The following HPCAL1 variants were observed in gnomAD, a reference collection of about 807,000 sequenced individuals.
HPCAL1 encodes the protein hippocalcin-like protein 1.
A neutral mutation model predicts 17.1 loss-of-function variants in HPCAL1; 8 were observed. The observed-to-expected ratio is 0.47, with a 90% CI of 0.27 to 0.84. The LOEUF is 0.84. Among genes scored for constraint, HPCAL1 ranks in the 40% least tolerant of loss-of-function variants. HPCAL1 has a pLI of 0.13. For missense variants in HPCAL1, 165 were observed against 271.1 expected, an observed-to-expected ratio of 0.61 and a Z score of 2.75; for synonymous variants, 112 against 111.4, an observed-to-expected ratio of 1.01 and a Z score of -0.03.
intron 1 of HPCAL1, among the ~76,000 whole-genome samples, chr2:10,336,140 GTAAATTAATTGCATGTTCGTATCCTCTGC>G: frequency 6.7e-6 from 1 of 149,190 alleles, no homozygotes; most frequent in Non-Finnish European, 1.5e-5. Context: ...ATCCTCTGCT[GTAAATTAATTGCATGTTCGTATCCTCTGC>G]TGTAAATTAA....
chr2:10,374,963 C>G (rs960104208), intron 1 of HPCAL1, among the ~76,000 whole-genome samples: 2 of 152,146 alleles, frequency 1.3e-5, no homozygotes, highest in Non-Finnish European at 2.9e-5. Flanking sequence ...GGTTGGGGGG[C>G]CGTGTCATGG....
rs969117752 is a variant in HPCAL1 at position 10,384,141 on chromosome 2, G to A, written c.-110-12694G>A. On this transcript the variant is annotated intron_variant, in intron 1 of 4. Coordinates refer to ENST00000307845, the MANE Select transcript of HPCAL1 (RefSeq NM_002149.4). This position sits in a 1 kb window ranked among gnomAD's most constrained non-coding sequence, Gnocchi z 4.4. ...CTTTAAAATAAACTTCCCAATCCTA[G>A]GCAGACAAAAGAACAACCCCAGACC... Among the ~76,000 whole-genome samples the A allele has an allele frequency of 1.3e-5, 2 of 152,072 alleles. No homozygotes were observed. Among genetic ancestry groups the A allele is most frequent in the African/African-American group, 4.8e-5 (2 of 41,394 alleles).
At position 10,419,030 on chromosome 2, in the gene HPCAL1, T is replaced by C. The variant is rs1670862174; in HGVS notation, c.-24-704T>C. On this transcript the variant is annotated intron_variant, in intron 2 of 4. Transcript: ENST00000307845. The surrounding 1 kb of genome is among the most constrained non-coding windows in gnomAD (Gnocchi z 5.0). Reference sequence around the variant, plus strand: ...TTCGAGACCAGCCTGGCCAACATGGTGAAACCCTGTCTCTACTAAAAATAC... The same window carrying C: ...TTCGAGACCAGCCTGGCCAACATGGCGAAACCCTGTCTCTACTAAAAATAC... Among the ~76,000 whole-genome samples, 1 of 151,440 alleles carries C rather than the reference T, an allele frequency of 6.6e-6. No homozygotes were observed. The highest frequency in any genetic ancestry group is 2.1e-4 in the South Asian group (1 of 4,818).
chr2:10,412,696 T>C (rs1670428471), intron 2 of HPCAL1, among the ~76,000 whole-genome samples: 1 of 152,220 alleles, frequency 6.6e-6, no homozygotes, highest in African/African-American at 2.4e-5. Flanking sequence ...GGCTCTATTC[T>C]TGCACATTCC....
rs377205350 is a variant in HPCAL1 at position 10,399,608 on chromosome 2, G to A, written c.-25+2688G>A. Among the ~76,000 whole-genome samples, 525 of 114,082 alleles carry A rather than the reference G, an allele frequency of 4.6e-3. 6 individuals are homozygous for A. Among genetic ancestry groups the A allele is most frequent in the African/African-American group, 0.017 (507 of 30,510 alleles). The allele number at this position is 114,082 out of a possible 152,430, so 74.8% of individuals were successfully genotyped here. ...CCGCCACCGCCACCACCACCACCAC[G>A]AGTTGAGGGACTCTGGGATCAGAAG... On this transcript the variant is annotated intron_variant, in intron 2 of 4. Coordinates refer to ENST00000307845, the MANE Select transcript of HPCAL1 (RefSeq NM_002149.4).
intron 2 of HPCAL1, among the ~76,000 whole-genome samples, chr2:10,410,436 CTTTTTT>C (rs36002921): frequency 3.9e-5 from 3 of 77,526 alleles, no homozygotes; most frequent in African/African-American, 5.0e-5. Flanking sequence ...TCTTCTTCTT[CTTTTTT>C]TTTTTTTTTT....
chr2:10,318,581 C>G (rs896058584), intron 1 of HPCAL1, among the ~76,000 whole-genome samples: 46 of 152,176 alleles, frequency 3.0e-4, no homozygotes, highest in Non-Finnish European at 3.1e-4. Context: ...GTGACAGACT[C>G]CAGCCTCCAT....
At chr2:10,322,061 T>C in intron 1 of HPCAL1, among the ~76,000 whole-genome samples, 1 of 152,218 alleles carries the variant, frequency 6.6e-6, no homozygotes, top group Non-Finnish European at 1.5e-5. Flanking sequence ...CTTGCTCTGT[T>C]GCCCAGGCTG....
intron 3 of HPCAL1, among the ~76,000 whole-genome samples, chr2:10,421,944 C>T (rs927227206): frequency 5.3e-5 from 8 of 152,218 alleles, no homozygotes; most frequent in Admixed American, 2.6e-4. Context: ...CTCTTAGCTT[C>T]ATGCAGTGGC....
At chr2:10,406,939 C>T (rs970560420) in intron 2 of HPCAL1, among the ~76,000 whole-genome samples, 2 of 152,138 alleles carry the variant, frequency 1.3e-5, no homozygotes, top group Non-Finnish European at 2.9e-5. Context: ...CATGTATGTC[C>T]GTTTCACTCA....
chr2:10,376,421 C>A (rs1667562559), intron 1 of HPCAL1, among the ~76,000 whole-genome samples: 1 of 146,744 alleles, frequency 6.8e-6, no homozygotes, highest in Non-Finnish European at 1.5e-5. Context: ...CCTTAATAAA[C>A]TTGACTTTAC....
At chr2:10,415,667 C>T (rs1670615663) in intron 2 of HPCAL1, among the ~76,000 whole-genome samples, 2 of 152,194 alleles carry the variant, frequency 1.3e-5, no homozygotes, top group African/African-American at 4.8e-5. Flanking sequence ...TCGGGTGCCC[C>T]AGGCCTCCTC....
intron 2 of HPCAL1, among the ~76,000 whole-genome samples, chr2:10,411,701 A>T (rs1449770353): frequency 6.6e-6 from 1 of 152,178 alleles, no homozygotes; most frequent in Non-Finnish European, 1.5e-5. Flanking sequence ...AGAGGGCCCG[A>T]CAGCCTGGAA....
chr2:10,391,857 C>G (rs1443305341), intron 1 of HPCAL1, among the ~76,000 whole-genome samples: 1 of 152,062 alleles, frequency 6.6e-6, no homozygotes, highest in African/African-American at 2.4e-5. Context: ...TTAAGCAGTT[C>G]TCTGCCTCAG....
At chr2:10,364,300 A>T (rs1307757583) in intron 1 of HPCAL1, among the ~76,000 whole-genome samples, 1 of 152,010 alleles carries the variant, frequency 6.6e-6, no homozygotes, top group Non-Finnish European at 1.5e-5. Flanking sequence ...TGTTTTCTTG[A>T]ACAGTAAGGA....
intron 1 of HPCAL1, among the ~76,000 whole-genome samples, chr2:10,307,112 T>A (rs1662677025): frequency 6.6e-6 from 1 of 151,424 alleles, no homozygotes; most frequent in African/African-American, 2.4e-5. Context: ...TAGCCCCACC[T>A]GTGGCATGAG....
rs915796090 is a variant in HPCAL1, at chr2:10,362,425, T to C, written c.-110-34410T>C. Among the ~76,000 whole-genome samples the C allele has an allele frequency of 1.1e-4, 17 of 152,026 alleles. No individual in the cohort carries two copies. Among genetic ancestry groups the C allele is most frequent in the African/African-American group, 3.9e-4 (16 of 41,370 alleles). ...CCAGAGAGAGGCCAGCCTGAGCTCC[T>C]CCATGTCCTACTCCTGTGGATAGAC... is the stretch of plus-strand genomic sequence containing the variant. On this transcript the variant is annotated intron_variant, in intron 1 of 4. Transcript: ENST00000307845. The surrounding 1 kb of genome is among the most constrained non-coding windows in gnomAD (Gnocchi z 5.0).
At chr2:10,424,668 G>A (rs998433345) in intron 4 of HPCAL1, 1 of 468,028 alleles carries the variant, frequency 2.1e-6, no homozygotes, top group Non-Finnish European at 4.4e-6. Flanking sequence ...CTGGGATGGA[G>A]CACTTCCTCC....
chr2:10,312,029 A>G (rs1479495561), intron 1 of HPCAL1, among the ~76,000 whole-genome samples: 1 of 150,252 alleles, frequency 6.7e-6, no homozygotes, highest in African/African-American at 2.5e-5. Flanking sequence ...GTCACCATTC[A>G]TCATCACTGT....
Sources: allele counts gnomAD v4.1 joint callset (sites outside exome capture counted in the v4.1 genomes callset), GRCh38; gene constraint gnomAD v4.1.1; non-coding constraint Gnocchi (gnomAD v3.1); transcripts MANE v1.5; gene names NCBI Gene and HGNC (gene_info 2026-07-23, HGNC 2026-07-21).